The following NEIL1 variants were observed in gnomAD, a reference collection of about 807,000 sequenced individuals.
NEIL1 encodes nei like DNA glycosylase 1, also known as endonuclease 8-like 1.
A neutral mutation model predicts 44.2 loss-of-function variants in NEIL1; 31 were observed. That is an observed-to-expected ratio of 0.70 (90% CI 0.53 to 0.95). NEIL1 has a LOEUF of 0.95. NEIL1 is among the 40% of genes least tolerant of loss of function. The pLI, the probability that NEIL1 is intolerant of heterozygous loss-of-function variation, is 0.00. For synonymous variants in NEIL1, 254 were observed against 209.7 expected, an observed-to-expected ratio of 1.21 and a Z score of -1.83; for missense variants, 549 against 515.5, an observed-to-expected ratio of 1.07 and a Z score of -0.63.
In NEIL1 at chr15:75,354,779, C is replaced by G; in HGVS notation, c.1063C>G (p.Pro355Ala). 1 of 1,614,136 alleles carries G rather than the reference C, an allele frequency of 6.2e-7. No homozygotes were observed. The highest frequency in any genetic ancestry group is 8.5e-7 in the Non-Finnish European group (1 of 1,180,034). Residue 355 changes from proline (P) to alanine (A), a missense_variant, in exon 9 of 10, where the codon CCC becomes GCC. Transcript: ENST00000355059. ...LQQDPEAPTVPKKGRRKGRQA... is the reference protein window; with the variant it reads ...LQQDPEAPTVAKKGRRKGRQA... ...GCAGGACCCAGAAGCTCCCACAGTGCCCAAGAAGGGGAGGAGGAAGGGGCG... is the reference window on the plus strand; with the variant it reads ...GCAGGACCCAGAAGCTCCCACAGTGGCCAAGAAGGGGAGGAGGAAGGGGCG...
intron 2 of NEIL1, 66 bp downstream of exon 2, chr15:75,349,405 C>T: frequency 6.8e-7 from 1 of 1,468,968 alleles, no homozygotes; most frequent in Non-Finnish European, 9.2e-7. Context: ...TTAGTGCCTT[C>T]TTGGCCAACA....
chr15:75,352,303 C>T, intron 3 of NEIL1, 21 bp from the exon 4 acceptor site: 5 of 1,614,066 alleles, frequency 3.1e-6, no homozygotes, highest in Non-Finnish European at 4.2e-6. Context: ...CCTAGCATGG[C>T]TTGCCTTGCC....
chr15:75,351,829 C>T (rs542850617), intron 2 of NEIL1: 12 of 356,654 alleles, frequency 3.4e-5, no homozygotes, highest in African/African-American at 1.9e-4. Context: ...ACCATGTTGG[C>T]CAGGCTGGTC....
chr15:75,352,583 G>T lies in NEIL1; in HGVS notation c.619-19G>T, dbSNP rs1161261644. ...ATGGCCCTGCTGACAGACAGGTCCT[G>T]CCCCTGCCCCTTCCTCAGAGCCCGG... On this transcript the variant is annotated intron_variant, in intron 4 of 9. Coordinates refer to ENST00000355059, the MANE Select transcript of NEIL1 (RefSeq NM_024608.4). 1 of 1,607,838 alleles carries T rather than the reference G, an allele frequency of 6.2e-7. No individual in the cohort carries two copies. The highest frequency in any genetic ancestry group is 2.2e-5 in the East Asian group (1 of 44,558).
chr15:75,350,941 A>G (rs1012078008), intron 2 of NEIL1, among the ~76,000 whole-genome samples: 1 of 152,130 alleles, frequency 6.6e-6, no homozygotes, highest in African/African-American at 2.4e-5. Context: ...CCCATTAGTC[A>G]GTCTTGCCAT....
Position 75,357,090 on chromosome 15 carries a change from G to A in NEIL1, c.*2056G>A, listed in dbSNP as rs977959542. ...GCCTCAGTTTCCTTATCTGTGAAAC[G>A]GGAATAAATAATAGTACTCACCCCA... On this transcript the variant is annotated 3_prime_UTR_variant, in exon 10 of 10. Transcript: ENST00000355059. 5 of 596,256 alleles carry A rather than the reference G, an allele frequency of 8.4e-6. No homozygotes were observed. Among genetic ancestry groups the A allele is most frequent in the East Asian group, 2.8e-5 (1 of 36,100 alleles). The allele number at this position is 596,256 out of a possible 1,614,324, so 36.9% of individuals were successfully genotyped here.
At position 75,349,148 on chromosome 15, in the gene NEIL1, G is replaced by A. The variant is rs1236830526; in HGVS notation, c.243G>A (p.Met81Ile). ...EPLALVFRFG[M>I]SGSFQLVPRE... ...TGGCCCTGGTCTTCCGCTTCGGCAT[G>A]TCCGGCTCTTTTCAGCTGGTGCCCC... Residue 81 changes from methionine to isoleucine, a missense_variant, in exon 2 of 10, where the codon ATG becomes ATA. Coordinates refer to ENST00000355059, the MANE Select transcript of NEIL1 (RefSeq NM_024608.4). 2 of 1,610,108 alleles carry A rather than the reference G, an allele frequency of 1.2e-6. No homozygotes were observed. Among genetic ancestry groups the A allele is most frequent in the Non-Finnish European group, 1.7e-6 (2 of 1,179,924 alleles).
chr15:75,354,033 G>A, intron 6 of NEIL1, 167 bp downstream of exon 6: 2 of 1,106,722 alleles, frequency 1.8e-6, no homozygotes, highest in African/African-American at 1.5e-5. Context: ...CAGGGTTGCA[G>A]CTAGTGGAAG....
chr15:75,356,448 G>T lies in NEIL1; in HGVS notation c.*1414G>T, dbSNP rs752397356. On this transcript the variant is annotated 3_prime_UTR_variant, in exon 10 of 10. Transcript: ENST00000355059. The surrounding 1 kb of genome is among the most constrained non-coding windows in gnomAD (Gnocchi z 5.8). ...GGATAACGCCAGCATCCTGGAAAGA[G>T]CCTGGGGTACGACCAGGAAACAATG... 9.4e-6 allele frequency: 15 copies of T among 1,597,516 alleles called. No individual in the cohort carries two copies. In the East Asian group the frequency reaches 3.4e-4, roughly 36 times the overall value.
chr15:75,351,187 A>G (rs571264203), intron 2 of NEIL1: 1 of 441,540 alleles, frequency 2.3e-6, no homozygotes, highest in Non-Finnish European at 4.5e-6. Flanking sequence ...GACTGCAAAC[A>G]CACTTGAGGT....
chr15:75,355,681 A>G lies in NEIL1; in HGVS notation c.*647A>G. On this transcript the variant is annotated 3_prime_UTR_variant, in exon 10 of 10. Coordinates refer to ENST00000355059, the MANE Select transcript of NEIL1 (RefSeq NM_024608.4). ...CAACCCAGACCCTGCACGCACAGGTACCTTAGGATCTTGCCCCTACCCACC... is the reference window on the plus strand; with the variant it reads ...CAACCCAGACCCTGCACGCACAGGTGCCTTAGGATCTTGCCCCTACCCACC... 1 of 539,144 alleles carries G rather than the reference A, an allele frequency of 1.9e-6. No homozygotes were observed. The highest frequency in any genetic ancestry group is 3.4e-5 in the East Asian group (1 of 29,764). 33.4% of individuals were successfully genotyped at this position (539,144 alleles called of 1,614,324 possible).
intron 2 of NEIL1, among the ~76,000 whole-genome samples, chr15:75,351,605 C>T (rs1476349753): frequency 6.6e-6 from 1 of 151,934 alleles, no homozygotes; most frequent in African/African-American, 2.4e-5. Flanking sequence ...TCACCTTTCA[C>T]AATGAATTTA....
rs138644949 is a variant in NEIL1 at position 75,354,443 on chromosome 15, G to T, written c.887G>T (p.Arg296Leu). 2.9e-5 allele frequency: 47 copies of T among 1,614,032 alleles called. No individual in the cohort carries two copies. The highest frequency in any genetic ancestry group is 3.8e-5 in the Non-Finnish European group (45 of 1,180,016). Residue 296 changes from arginine to leucine, a missense_variant, in exon 8 of 10, where the codon CGC (arginine) becomes CTC (leucine). Physicochemically the swap from Arg to Leu is moderately radical, Grantham distance 102. Transcript: ENST00000355059. ...CAGTGTCCTGCAGGGCGCAAGTCCC[G>T]CAAAAAGAAATCCAAGGCCACACAG... ...GPLAPKGRKS[R>L]KKKSKATQLS...
chr15:75,353,859 G>A lies in NEIL1; in HGVS notation c.839G>A (p.Trp280Ter). The change falls in exon 6 of 10, where the codon TGG (tryptophan) becomes TAG (stop). Residue 280 changes from tryptophan to a stop codon, truncating the protein, a stop_gained. Coordinates refer to ENST00000355059, the MANE Select transcript of NEIL1 (RefSeq NM_024608.4). LOFTEE classifies it high-confidence loss of function. ...CAGGACCGGCATGGCCGTACCATCT[G>A]GTTCCAGGTTGGGCCCTACTGTTCA... is the stretch of plus-strand genomic sequence containing the variant. ...SLQDRHGRTI[W>*]FQGDPGPLAP... The A allele has an allele frequency of 6.2e-7, 1 of 1,612,658 alleles. No homozygotes were observed. The highest frequency in any genetic ancestry group is 8.5e-7 in the Non-Finnish European group (1 of 1,179,976).
In NEIL1 at chr15:75,349,172, C is replaced by A. The variant is rs769981276; in HGVS notation, c.267C>A (p.Pro89=). Residue 89 remains proline, a synonymous_variant, in exon 2 of 10, where the codon CCC becomes CCA. Coordinates refer to ENST00000355059, the MANE Select transcript of NEIL1 (RefSeq NM_024608.4). The part of the protein sequence containing the change: ...FGMSGSFQLV[P]REELPRHAHL... ...TGTCCGGCTCTTTTCAGCTGGTGCC[C>A]CGCGAGGAGCTGCCACGCCATGCCC... The A allele has an allele frequency of 1.2e-6, 2 of 1,609,076 alleles. No homozygotes were observed. The highest frequency in any genetic ancestry group is 1.7e-5 in the Admixed American group (1 of 60,000).
At chr15:75,352,758 G>A (rs2141315457) in intron 5 of NEIL1, 57 bp downstream of exon 5, 4 of 1,405,520 alleles carry the variant, frequency 2.8e-6, no homozygotes, top group East Asian at 4.9e-5. Flanking sequence ...TAACCCTGGG[G>A]CACTTGTCCC....
intron 1 of NEIL1, chr15:75,348,297 C>T (rs1243489600): frequency 2.0e-6 from 2 of 984,290 alleles, no homozygotes; most frequent in Admixed American, 1.2e-4. Context: ...TCCCGCCGCT[C>T]CCCCGCGCCA....
rs1309609241 is a variant in NEIL1, at chr15:75,352,715, T to C, written c.718+14T>C. ...TGGTCCAGTTGGGTGAGGCCAAAGA[T>C]GGCAGCAACCTCTGCTTCAGCAAAT... On this transcript the variant is annotated intron_variant, in intron 5 of 9. Coordinates refer to ENST00000355059, the MANE Select transcript of NEIL1 (RefSeq NM_024608.4). The C allele has an allele frequency of 5.6e-6, 9 of 1,595,620 alleles. No individual in the cohort carries two copies. Among genetic ancestry groups the C allele is most frequent in the Non-Finnish European group, 7.7e-6 (9 of 1,167,982 alleles).
rs2072274770 is a variant in NEIL1 at position 75,355,860 on chromosome 15, A to G, written c.*826A>G. ...GCTTTAGGCTGGGGAAGCAGAAATT[A>G]GGAGTCCCCAGAGCCTTCTACAAAC... On this transcript the variant is annotated 3_prime_UTR_variant, in exon 10 of 10. Transcript: ENST00000355059. The G allele has an allele frequency of 1.2e-6, 2 of 1,607,990 alleles. No homozygotes were observed. The highest frequency in any genetic ancestry group is 1.7e-6 in the Non-Finnish European group (2 of 1,177,124).
Sources: gnomAD v4.1 joint callset for allele counts (sites outside exome capture counted in the v4.1 genomes callset) on GRCh38, gnomAD v4.1.1 for gene constraint, Gnocchi (gnomAD v3.1) non-coding constraint, MANE v1.5 for transcripts, NCBI Gene and HGNC (gene_info 2026-07-23, HGNC 2026-07-21) for gene names.